Variants in GRIK2 observed in about 807,000 individuals in gnomAD.
The protein encoded by GRIK2 is glutamate receptor ionotropic, kainate 2.
In GRIK2, 32 loss-of-function variants were observed where a neutral mutation model predicts 100.3. The ratio of observed to expected loss-of-function variants is 0.32; its 90% confidence interval spans 0.24 to 0.43. The LOEUF (loss-of-function observed/expected upper bound fraction) is 0.43, where lower values mean the gene tolerates loss of function less well. Ranked by LOEUF, GRIK2 falls within the 20% of genes least tolerant of loss-of-function variation. The probability of loss-of-function intolerance (pLI) is 1.00; values close to 1 mark genes in which losing one functional copy is unlikely to be tolerated. For synonymous variants in GRIK2, 417 were observed against 389.4 expected (o/e 1.07, Z -0.83); for missense variants, 843 against 1,114.9 (o/e 0.76, Z 3.47).
chr6:101,776,465 G>C (rs1778754479), intron 7 of GRIK2, among the ~76,000 whole-genome samples: 1 of 152,100 alleles, frequency 6.6e-6, no homozygotes, highest in African/African-American at 2.4e-5. Flanking sequence ...TAAAATCAGA[G>C]TAAAATGTGG....
chr6:101,459,504 A>AT (rs1217288068), intron 2 of GRIK2, among the ~76,000 whole-genome samples: 6 of 152,160 alleles, frequency 3.9e-5, no homozygotes, highest in Admixed American at 6.5e-5. Context: ...GAAGCTACGC[A>AT]TTTTTTTAGA....
intron 2 of GRIK2, among the ~76,000 whole-genome samples, chr6:101,407,214 G>A (rs978418473): frequency 2.6e-5 from 4 of 151,788 alleles, no homozygotes; most frequent in East Asian, 3.9e-4. Flanking sequence ...TAGTACATTC[G>A]GGTCCTTCCT....
At chr6:101,657,748 C>A (rs893763133) in intron 4 of GRIK2, among the ~76,000 whole-genome samples, 1 of 152,000 alleles carries the variant, frequency 6.6e-6, no homozygotes, top group Non-Finnish European at 1.5e-5. Flanking sequence ...GAGCTAATGT[C>A]AAGATTCAAA....
At chr6:101,985,316 A>G (rs1288450032) in intron 14 of GRIK2, among the ~76,000 whole-genome samples, 1 of 151,810 alleles carries the variant, frequency 6.6e-6, no homozygotes, top group East Asian at 1.9e-4. Context: ...CTTTCTAACT[A>G]GAACATTTAT....
chr6:102,009,189 C>G, intron 14 of GRIK2, among the ~76,000 whole-genome samples: 1 of 152,002 alleles, frequency 6.6e-6, no homozygotes, highest in East Asian at 1.9e-4. Context: ...TCAGGTACAA[C>G]TAATGAATCC....
intron 14 of GRIK2, among the ~76,000 whole-genome samples, chr6:101,946,533 A>G (rs1167815125): frequency 6.6e-6 from 1 of 152,260 alleles, no homozygotes; most frequent in East Asian, 1.9e-4. Context: ...AAAAATAAGA[A>G]AAGAAACATT....
At chr6:101,435,206 G>A (rs1468431818) in intron 2 of GRIK2, among the ~76,000 whole-genome samples, 1 of 151,900 alleles carries the variant, frequency 6.6e-6, no homozygotes, top group Non-Finnish European at 1.5e-5. Context: ...ACAATGTCTT[G>A]CACTTAATTC....
intron 10 of GRIK2, among the ~76,000 whole-genome samples, chr6:101,857,590 G>GT (rs1784493494): frequency 6.6e-6 from 1 of 152,162 alleles, no homozygotes; most frequent in Admixed American, 6.6e-5. Flanking sequence ...ACATTCCTAG[G>GT]TGGACTGGCA....
At chr6:101,868,168 T>C (rs1258848768) in intron 11 of GRIK2, among the ~76,000 whole-genome samples, 1 of 151,300 alleles carries the variant, frequency 6.6e-6, no homozygotes, top group Non-Finnish European at 1.5e-5. Context: ...GTACAGAGCA[T>C]TGAAACTTTT....
rs192029412 is a variant in GRIK2 at position 101,445,218 on chromosome 6, C to T, written c.115+45826C>T. On this transcript the variant is annotated intron_variant, in intron 2 of 16. Coordinates refer to ENST00000369134, the MANE Select transcript of GRIK2 (RefSeq NM_021956.5). The stretch of plus-strand genomic sequence containing the variant: ...CCATTGTATTTAGAGACTTAGTACT[C>T]ATATTGATGACCATTGATGACCCTG... Among the ~76,000 whole-genome samples the T allele has an allele frequency of 3.9e-3, 595 of 152,224 alleles. 5 individuals are homozygous for T. Among genetic ancestry groups the T allele is most frequent in the Admixed American group, 7.8e-3 (119 of 15,262 alleles).
chr6:102,006,390 A>ATATATATATATATATTTT (rs1315524835), intron 14 of GRIK2, among the ~76,000 whole-genome samples: 1 of 114,102 alleles, frequency 8.8e-6, no homozygotes, highest in African/African-American at 4.6e-5. Flanking sequence ...ATATATATAT[A>ATATATATATATATATTTT]TTTTTTTTTT....
chr6:101,561,934 C>A (rs1226223352), intron 2 of GRIK2, among the ~76,000 whole-genome samples: 1 of 152,008 alleles, frequency 6.6e-6, no homozygotes, highest in Non-Finnish European at 1.5e-5. Context: ...TTTATCTGAG[C>A]TAGAAAAAAT....
At chr6:101,404,670 C>T (rs929888520) in intron 2 of GRIK2, among the ~76,000 whole-genome samples, 4 of 152,160 alleles carry the variant, frequency 2.6e-5, no homozygotes, top group Admixed American at 2.0e-4. Context: ...TGATTTTCCT[C>T]AGTAGGATGG....
At chr6:101,678,786 A>G (rs183392309) in intron 5 of GRIK2, among the ~76,000 whole-genome samples, 42 of 152,352 alleles carry the variant, frequency 2.8e-4, no homozygotes, top group African/African-American at 1.0e-3. Flanking sequence ...TAATAGGACT[A>G]TGCAGAAAAA....
intron 2 of GRIK2, among the ~76,000 whole-genome samples, chr6:101,489,171 G>A (rs1436986188): frequency 6.8e-6 from 1 of 146,062 alleles, no homozygotes; most frequent in Non-Finnish European, 1.5e-5. Flanking sequence ...AATATTTAGG[G>A]AAGAGGGTTT....
intron 5 of GRIK2, among the ~76,000 whole-genome samples, chr6:101,680,983 T>A (rs1771201751): frequency 6.6e-6 from 1 of 152,242 alleles, no homozygotes; most frequent in African/African-American, 2.4e-5. Flanking sequence ...TCTCCCTTTT[T>A]AAATATATTT....
At chr6:101,451,701 G>C (rs567195650) in intron 2 of GRIK2, among the ~76,000 whole-genome samples, 4 of 59,942 alleles carry the variant, frequency 6.7e-5, no homozygotes, top group Non-Finnish European at 1.2e-4. Flanking sequence ...TCTGAGGGGG[G>C]GGGGGGTGCC....
At chr6:101,660,731 C>T (rs1421597787) in intron 4 of GRIK2, among the ~76,000 whole-genome samples, 2 of 152,258 alleles carry the variant, frequency 1.3e-5, no homozygotes, top group Non-Finnish European at 2.9e-5. Flanking sequence ...CAGTCAGGCC[C>T]CTCTGCTGCA....
chr6:101,621,767 A>G (rs1780172111), intron 2 of GRIK2, among the ~76,000 whole-genome samples, 182 bp from the exon 3 acceptor site: 1 of 152,040 alleles, frequency 6.6e-6, no homozygotes, highest in Admixed American at 6.6e-5. Flanking sequence ...TTCATAAAGT[A>G]AGCACACACC....
Sources: allele counts gnomAD v4.1 joint callset (sites outside exome capture counted in the v4.1 genomes callset), GRCh38; gene constraint gnomAD v4.1.1; transcripts MANE v1.5; gene names NCBI Gene and HGNC (gene_info 2026-07-23, HGNC 2026-07-21).